Variants in COL4A3 observed in about 807,000 individuals in gnomAD.
COL4A3 encodes collagen alpha-3(IV) chain.
In COL4A3, 135 loss-of-function variants were observed where a neutral mutation model predicts 217.4. The ratio of observed to expected loss-of-function variants is 0.62; its 90% confidence interval spans 0.54 to 0.72. The LOEUF (loss-of-function observed/expected upper bound fraction) is 0.72, where lower values mean the gene tolerates loss of function less well. COL4A3 is among the 30% of genes least tolerant of loss of function. COL4A3 has a pLI of 0.00. For synonymous variants in COL4A3, 690 were observed against 736.3 expected, an observed-to-expected ratio of 0.94 and a Z score of 1.02; for missense variants, 1,868 against 2,119.9, an observed-to-expected ratio of 0.88 and a Z score of 2.33.
chr2:227,201,887 T>G (rs929252379), intron 1 of COL4A3, among the ~76,000 whole-genome samples: 2 of 152,188 alleles, frequency 1.3e-5, no homozygotes, highest in Non-Finnish European at 2.9e-5. Context: ...ATTACTTGTT[T>G]TGATGTATTT....
At chr2:227,293,843 C>T (rs2072898803) in intron 38 of COL4A3, 1 of 463,522 alleles carries the variant, frequency 2.2e-6, no homozygotes, top group Non-Finnish European at 4.5e-6. Context: ...CCAGTGTTTT[C>T]CAAGTGTCTG....
intron 1 of COL4A3, among the ~76,000 whole-genome samples, chr2:227,177,294 C>T (rs1456404894): frequency 2.6e-5 from 4 of 151,664 alleles, no homozygotes; most frequent in African/African-American, 7.2e-5. Context: ...GGACTACAGG[C>T]GCCTGCCACC....
intron 26 of COL4A3, among the ~76,000 whole-genome samples, chr2:227,274,460 A>T: frequency 6.6e-6 from 1 of 150,872 alleles, no homozygotes. Flanking sequence ...AAATAAACAA[A>T]TAAATATTTA....
chr2:227,237,239 G>A (rs2068752176), intron 1 of COL4A3, among the ~76,000 whole-genome samples: 3 of 152,190 alleles, frequency 2.0e-5, no homozygotes, highest in Non-Finnish European at 4.4e-5. Flanking sequence ...TAGCATTAAT[G>A]AGTTAGTTTG....
chr2:227,172,168 A>C (rs186724663), intron 1 of COL4A3, among the ~76,000 whole-genome samples: 2 of 152,338 alleles, frequency 1.3e-5, no homozygotes, highest in East Asian at 3.9e-4. Flanking sequence ...CTTATCGGGA[A>C]GATGCTGCTC....
intron 25 of COL4A3, among the ~76,000 whole-genome samples, chr2:227,271,981 C>A (rs762452890): frequency 6.6e-6 from 1 of 152,168 alleles, no homozygotes; most frequent in Admixed American, 6.5e-5. Flanking sequence ...CATTTACAGA[C>A]CCTTTAATAT....
chr2:227,314,376 T>C lies in COL4A3; in HGVS notation c.*2506T>C, dbSNP rs2073835923. On this transcript the variant is annotated 3_prime_UTR_variant, in exon 52 of 52. Transcript: ENST00000396578. ...ATTATTTTCCAGATAACTTAGCTTA[T>C]GAGTAGCTTATACAATTATGAAGAT... 1 of 152,688 alleles carries C rather than the reference T, an allele frequency of 6.5e-6. No homozygotes were observed. Among genetic ancestry groups the C allele is most frequent in the Admixed American group, 6.5e-5 (1 of 15,284 alleles). The allele number at this position is 152,688 out of a possible 1,614,324, so 9.5% of individuals were successfully genotyped here.
intron 1 of COL4A3, among the ~76,000 whole-genome samples, chr2:227,171,187 T>C (rs2065461455): frequency 1.3e-5 from 2 of 152,210 alleles, no homozygotes. Flanking sequence ...ATCCCCTTTC[T>C]TTTCCCTGAA....
chr2:227,206,449 G>A (rs75638250), intron 1 of COL4A3, among the ~76,000 whole-genome samples: 21,796 of 152,156 alleles, frequency 0.14, 1,692 homozygotes, highest in Non-Finnish European at 0.16. Flanking sequence ...TCTGAAGATC[G>A]AATGAGATTT....
intron 41 of COL4A3, 89 bp from the exon 42 acceptor site, chr2:227,297,585 G>GCAAA: frequency 8.0e-7 from 1 of 1,242,318 alleles, no homozygotes; most frequent in South Asian, 1.3e-5. Flanking sequence ...ACACTTTTAA[G>GCAAA]CAAAGTACCT....
At chr2:227,166,801 C>T (rs2065295040) in intron 1 of COL4A3, among the ~76,000 whole-genome samples, 1 of 152,200 alleles carries the variant, frequency 6.6e-6, no homozygotes, top group African/African-American at 2.4e-5. Context: ...ACAACGTTCA[C>T]TGATAATCGG....
Position 227,244,910 on chromosome 2 carries a change from T to TG in COL4A3, c.280-41_280-40insG, listed in dbSNP as rs113428834. 0.74 allele frequency: 1,054,159 copies of TG among 1,415,052 alleles called. 375,128 individuals are homozygous for TG. Among genetic ancestry groups the TG allele is most frequent in the East Asian group, 0.79 (30,817 of 38,860 alleles). The allele number at this position is 1,415,052 out of a possible 1,614,324, so 87.7% of individuals were successfully genotyped here. On this transcript the variant is annotated intron_variant, in intron 4 of 51. Coordinates refer to ENST00000396578, the MANE Select transcript of COL4A3 (RefSeq NM_000091.5). ...TTTATAGATTGAACATTTTTAAAGT[T>TG]TTTTTTTTTTGCCACCCCCTCCTTT... is the stretch of plus-strand genomic sequence containing the variant.
At chr2:227,236,844 T>G (rs941563869) in intron 1 of COL4A3, among the ~76,000 whole-genome samples, 11 of 151,926 alleles carry the variant, frequency 7.2e-5, no homozygotes, top group African/African-American at 2.7e-4. Flanking sequence ...ATTTTTTAGT[T>G]GAGATGGGGT....
chr2:227,246,567 T>C (rs892434987), intron 6 of COL4A3, 118 bp from the exon 7 acceptor site: 2 of 792,894 alleles, frequency 2.5e-6, no homozygotes, highest in Non-Finnish European at 4.4e-6. Context: ...CCATAAGGAA[T>C]TCGGGTTACT....
intron 43 of COL4A3, among the ~76,000 whole-genome samples, chr2:227,302,830 T>C (rs1400204213): frequency 2.0e-5 from 3 of 152,108 alleles, no homozygotes; most frequent in Non-Finnish European, 4.4e-5. Flanking sequence ...AAGCTTTTGT[T>C]TTACTTTTAA....
intron 1 of COL4A3, among the ~76,000 whole-genome samples, chr2:227,214,926 C>T (rs2067468207): frequency 6.6e-6 from 1 of 152,132 alleles, no homozygotes; most frequent in African/African-American, 2.4e-5. Flanking sequence ...CACTACTTAC[C>T]AACTCCACAA....
In COL4A3 at chr2:227,250,311, C is replaced by CA. The variant is rs1217200822; in HGVS notation, c.547-822dup. Among the ~76,000 whole-genome samples, 1 of 149,908 alleles carries CA rather than the reference C, an allele frequency of 6.7e-6. No homozygotes were observed. Among genetic ancestry groups the CA allele is most frequent in the Non-Finnish European group, 1.5e-5 (1 of 67,652 alleles). The stretch of plus-strand genomic sequence containing the variant: ...CTGAGGACAGAATGAGACTCTGTCT[C>CA]AAAAAAATAGGTAGATAGATAAAAG... On this transcript the variant is annotated intron_variant, in intron 9 of 51. Transcript: ENST00000396578. The surrounding 1 kb of genome is among the most constrained non-coding windows in gnomAD (Gnocchi z 4.1).
Position 227,284,347 on chromosome 2 carries a change from T to G in COL4A3, c.2881+2T>G. The stretch of plus-strand genomic sequence containing the variant: ...ACAAAGGAGAACCAGGTCTCAAAGG[T>G]AAAGAATTGCTTGTTTGGAATCAGG... On this transcript the variant is annotated splice_donor_variant, in intron 34 of 51. Transcript: ENST00000396578. LOFTEE classifies it high-confidence loss of function. 1 of 1,612,926 alleles carries G rather than the reference T, an allele frequency of 6.2e-7. No individual in the cohort carries two copies. Among genetic ancestry groups the G allele is most frequent in the Non-Finnish European group, 8.5e-7 (1 of 1,179,524 alleles).
chr2:227,256,936 T>C (rs1264496020), intron 17 of COL4A3, among the ~76,000 whole-genome samples: 1 of 152,238 alleles, frequency 6.6e-6, no homozygotes, highest in Non-Finnish European at 1.5e-5. Flanking sequence ...CACACAAACC[T>C]AGATGGCAGA....
Sources: allele counts gnomAD v4.1 joint callset (sites outside exome capture counted in the v4.1 genomes callset), GRCh38; gene constraint gnomAD v4.1.1; non-coding constraint Gnocchi (gnomAD v3.1); transcripts MANE v1.5; gene names NCBI Gene and HGNC (gene_info 2026-07-23, HGNC 2026-07-21).